Variants in ANKS1B observed in about 807,000 individuals in gnomAD.
ANKS1B encodes ankyrin repeat and sterile alpha motif domain-containing protein 1B.
In ANKS1B, 36 loss-of-function variants were observed where a neutral mutation model predicts 148.3. The ratio of observed to expected loss-of-function variants is 0.24; its 90% CI spans 0.19 to 0.32. The LOEUF is 0.32. ANKS1B is among the 10% of genes least tolerant of loss of function. ANKS1B has a pLI of 1.00. For missense variants in ANKS1B, 1,157 were observed against 1,542.6 expected, an observed-to-expected ratio of 0.75 and a Z score of 4.19; for synonymous variants, 542 against 560.8, an observed-to-expected ratio of 0.97 and a Z score of 0.47.
chr12:99,540,645 C>A (rs1326298174), intron 9 of ANKS1B, among the ~76,000 whole-genome samples: 1 of 151,842 alleles, frequency 6.6e-6, no homozygotes, highest in Admixed American at 6.6e-5. Context: ...CATACCAAAG[C>A]TTATGGAATG....
rs546709287 is a variant in ANKS1B, at chr12:99,087,802, G to A, written c.2527-2779C>T. Among the ~76,000 whole-genome samples, 15 of 152,268 alleles carry A rather than the reference G, an allele frequency of 9.9e-5. No individual in the cohort carries two copies. In the South Asian group the frequency reaches 2.9e-3, roughly 29 times the overall value. On this transcript the variant is annotated intron_variant, in intron 15 of 26. Transcript: ENST00000683438. ...AGAAAGCATACGAATATCCCATAGT[G>A]TGCATAGCTACTATCTCTAGGTAAT...
At chr12:99,580,557 C>A (rs2153227980) in intron 9 of ANKS1B, among the ~76,000 whole-genome samples, 1 of 152,086 alleles carries the variant, frequency 6.6e-6, no homozygotes, top group Middle Eastern at 3.4e-3. Flanking sequence ...AAAATGATCT[C>A]ATAGGGGTAG....
chr12:99,343,926 T>C (rs951053367), intron 12 of ANKS1B: 2 of 152,034 alleles, frequency 1.3e-5, no homozygotes, highest in East Asian at 3.9e-4. Context: ...AGAAATTTCC[T>C]GGAGCATATA....
intron 4 of ANKS1B, among the ~76,000 whole-genome samples, chr12:99,786,676 A>G (rs1463884110): frequency 6.6e-6 from 1 of 152,226 alleles, no homozygotes; most frequent in East Asian, 1.9e-4. Flanking sequence ...TCCAAAATGT[A>G]GAATAAAGTG....
intron 12 of ANKS1B, among the ~76,000 whole-genome samples, chr12:99,251,518 A>C (rs1193398077): frequency 6.6e-6 from 1 of 152,204 alleles, no homozygotes; most frequent in Non-Finnish European, 1.5e-5. Flanking sequence ...TCTTTTGATA[A>C]GTGGATATTT....
chr12:98,886,706 A>C (rs908656937), intron 17 of ANKS1B, among the ~76,000 whole-genome samples: 1 of 152,192 alleles, frequency 6.6e-6, no homozygotes, highest in Non-Finnish European at 1.5e-5. Context: ...CCTTGGGATA[A>C]AGGCAGAAAA....
In ANKS1B at chr12:98,829,522, A is replaced by G. The variant is rs191808985; in HGVS notation, c.2887-169T>C. 4.6e-5 allele frequency among the ~76,000 whole-genome samples: 7 copies of G among 152,304 alleles called. No homozygotes were observed. The highest frequency in any genetic ancestry group is 1.7e-4 in the African/African-American group (7 of 41,564). On this transcript the variant is annotated intron_variant, in intron 18 of 26. Transcript: ENST00000683438. This position sits in a 1 kb window ranked among gnomAD's most constrained non-coding sequence, Gnocchi z 5.2. Reference sequence around the variant, plus strand: ...CTTTATTAATGGCATGATCTAGTCAATACGTTTTTCCCCTAAGTATTTCAG... The same window carrying G: ...CTTTATTAATGGCATGATCTAGTCAGTACGTTTTTCCCCTAAGTATTTCAG...
At chr12:99,061,182 T>C (rs998765887) in intron 16 of ANKS1B, among the ~76,000 whole-genome samples, 16 of 152,342 alleles carry the variant, frequency 1.1e-4, no homozygotes, top group Non-Finnish European at 1.9e-4. Context: ...TGTGAAAATA[T>C]GGTTGAGCCT....
rs543195988 is a variant in ANKS1B at position 99,271,562 on chromosome 12, G to A, written c.1757-24698C>T. On this transcript the variant is annotated intron_variant, in intron 12 of 26. Transcript: ENST00000683438. ...CAGTTAAAATAATTAGTTAAGAGAAGGGGCCATAACATCAATAATTAAAAA... is the reference window on the plus strand; with the variant it reads ...CAGTTAAAATAATTAGTTAAGAGAAAGGGCCATAACATCAATAATTAAAAA... Among the ~76,000 whole-genome samples, 28 of 150,596 alleles carry A rather than the reference G, an allele frequency of 1.9e-4. No individual in the cohort carries two copies. The South Asian group carries it at 5.2e-3, about 28-fold the overall frequency.
intron 9 of ANKS1B, among the ~76,000 whole-genome samples, chr12:99,546,372 A>T (rs1168084520): frequency 2.0e-5 from 3 of 152,166 alleles, no homozygotes; most frequent in Admixed American, 1.3e-4. Flanking sequence ...TTTCCATAAA[A>T]ATTATGCCAC....
chr12:99,377,719 T>C (rs949912826), intron 12 of ANKS1B, among the ~76,000 whole-genome samples: 4 of 152,222 alleles, frequency 2.6e-5, no homozygotes, highest in Non-Finnish European at 4.4e-5. Context: ...AGTGAACCAT[T>C]TGTTTATGTT....
rs528862134 is a variant in ANKS1B at position 99,765,784 on chromosome 12, T to C, written c.1128+7138A>G. 1.8e-4 allele frequency among the ~76,000 whole-genome samples: 27 copies of C among 152,274 alleles called. 1 individual carries two copies. Among genetic ancestry groups the C allele is most frequent in the African/African-American group, 6.5e-4 (27 of 41,562 alleles). ...AAAATTGGACAAAGTCTGTGAAACATAAAAATCAAGATCTCTTCAGCAACA... is the reference window on the plus strand; with the variant it reads ...AAAATTGGACAAAGTCTGTGAAACACAAAAATCAAGATCTCTTCAGCAACA... On this transcript the variant is annotated intron_variant, in intron 8 of 26. Transcript: ENST00000683438.
intron 4 of ANKS1B, among the ~76,000 whole-genome samples, chr12:99,798,409 G>T (rs2066504172): frequency 7.2e-6 from 1 of 139,440 alleles, no homozygotes; most frequent in East Asian, 2.1e-4. Flanking sequence ...AGCCACGTGG[G>T]CACCTCTTGG....
intron 12 of ANKS1B, among the ~76,000 whole-genome samples, chr12:99,322,476 G>GT (rs1462643322): frequency 1.1e-5 from 1 of 91,430 alleles, no homozygotes; most frequent in East Asian, 3.4e-4. Flanking sequence ...GGAACTTAAA[G>GT]TAAAAAAAAA....
At chr12:99,758,358 C>T (rs6538945) in intron 8 of ANKS1B, among the ~76,000 whole-genome samples, 30,466 of 151,660 alleles carry the variant, frequency 0.2, 3,658 homozygotes, top group East Asian at 0.54. Context: ...ATGGGGTAAC[C>T]TTTCAGTGAT....
At chr12:99,391,975 T>A (rs1307358023) in intron 12 of ANKS1B, among the ~76,000 whole-genome samples, 1 of 152,256 alleles carries the variant, frequency 6.6e-6, no homozygotes, top group Admixed American at 6.5e-5. Flanking sequence ...CCTGGTCTAT[T>A]GAAAGTACTG....
intron 12 of ANKS1B, among the ~76,000 whole-genome samples, chr12:99,267,384 A>G (rs1040748926): frequency 1.3e-5 from 2 of 151,970 alleles, no homozygotes; most frequent in African/African-American, 4.8e-5. Flanking sequence ...CAGATATGTC[A>G]GTACTAATTT....
intron 12 of ANKS1B, among the ~76,000 whole-genome samples, chr12:99,363,762 C>T (rs982882070): frequency 6.6e-6 from 1 of 152,084 alleles, no homozygotes; most frequent in South Asian, 2.1e-4. Flanking sequence ...TCCAACAAAC[C>T]TTTATGCAAC....
intron 1 of ANKS1B, among the ~76,000 whole-genome samples, chr12:99,912,885 G>C (rs2094050480): frequency 6.6e-6 from 1 of 151,976 alleles, no homozygotes. Flanking sequence ...TATTAGTTTT[G>C]TTTACTCATT....
Sources: gnomAD v4.1 joint callset for allele counts (sites outside exome capture counted in the v4.1 genomes callset) on GRCh38, gnomAD v4.1.1 for gene constraint, Gnocchi (gnomAD v3.1) non-coding constraint, MANE v1.5 for transcripts, NCBI Gene and HGNC (gene_info 2026-07-23, HGNC 2026-07-21) for gene names.